IL18RAP: variants seen among roughly 807,000 people sequenced by gnomAD.
The protein encoded by IL18RAP is interleukin 18 receptor accessory protein, also known as interleukin-18 receptor accessory protein.
Under a neutral mutation model 58.1 loss-of-function variants are expected in IL18RAP, and 37 were observed. The observed-to-expected ratio is 0.64, with a 90% CI of 0.49 to 0.84. IL18RAP has a LOEUF of 0.84. Among genes scored for constraint, IL18RAP ranks in the 40% least tolerant of loss-of-function variants. The pLI is 0.00. For synonymous variants in IL18RAP, 268 were observed against 257.5 expected (o/e 1.04, Z -0.39); for missense variants, 667 against 704.8 (o/e 0.95, Z 0.61).
chr2:102,427,073 C>T (rs1484218593), intron 3 of IL18RAP, among the ~76,000 whole-genome samples: 1 of 152,114 alleles, frequency 6.6e-6, no homozygotes, highest in Non-Finnish European at 1.5e-5. Context: ...TGTTCTCCCA[C>T]ATGATTGAAT....
At chr2:102,451,740 C>T (rs753536653) in intron 9 of IL18RAP, 26 bp from the exon 10 acceptor site, 1 of 1,577,340 alleles carries the variant, frequency 6.3e-7, no homozygotes, top group Non-Finnish European at 8.6e-7. Flanking sequence ...ATATCCATTG[C>T]AAATAATCAA....
At chr2:102,429,337 G>A (rs1235940892) in intron 3 of IL18RAP, among the ~76,000 whole-genome samples, 2 of 151,724 alleles carry the variant, frequency 1.3e-5, no homozygotes, top group African/African-American at 2.4e-5. Context: ...GTTTCTTTTA[G>A]GTTATTCATT....
At chr2:102,447,021 T>G (rs1490836196) in intron 7 of IL18RAP, 49 bp from the exon 8 acceptor site, 2 of 1,595,750 alleles carry the variant, frequency 1.3e-6, no homozygotes, top group Non-Finnish European at 1.7e-6. Context: ...ATGGTCTTGG[T>G]CCAATCCCGC....
At chr2:102,445,909 T>C (rs1683386103) in intron 7 of IL18RAP, among the ~76,000 whole-genome samples, 1 of 152,204 alleles carries the variant, frequency 6.6e-6, no homozygotes, top group Admixed American at 6.5e-5. Flanking sequence ...ATTGATATCA[T>C]TCATTCCTTT....
intron 3 of IL18RAP, 24 bp from the exon 4 acceptor site, chr2:102,437,188 T>G (rs1390598609): frequency 1.3e-6 from 2 of 1,581,804 alleles, no homozygotes; most frequent in Non-Finnish European, 1.7e-6. Context: ...CAAATTTATC[T>G]GCTTAAAATA....
chr2:102,443,348 G>T (rs747037035), intron 6 of IL18RAP, 25 bp downstream of exon 6: 2 of 1,607,806 alleles, frequency 1.2e-6, no homozygotes, highest in African/African-American at 2.7e-5. Flanking sequence ...CACGGATTCT[G>T]TTCTCTGCAA....
chr2:102,420,539 G>A (rs533026346), upstream of IL18RAP, among the ~76,000 whole-genome samples: 8 of 152,262 alleles, frequency 5.3e-5, no homozygotes, highest in South Asian at 2.1e-4. Flanking sequence ...CAAGGTTGGC[G>A]GACATTCCTG....
At position 102,423,830 on chromosome 2, in the gene IL18RAP, C is replaced by T; in HGVS notation, c.90C>T (p.Leu30=). The change falls in exon 2 of 10, where the codon CTC becomes CTT. Residue 30 remains leucine, a synonymous_variant. Coordinates refer to ENST00000687160, the MANE Select transcript of IL18RAP (RefSeq NM_001393487.1). ...TTTCAGGTTGTTCCACAAAAAAACT[C>T]CTTTGGACATATTCTACAAGGAGTG... is the stretch of plus-strand genomic sequence containing the variant. ...FNISGCSTKK[L]LWTYSTRSEE... 1 of 1,613,416 alleles carries T rather than the reference C, an allele frequency of 6.2e-7. No homozygotes were observed. Among genetic ancestry groups the T allele is most frequent in the Non-Finnish European group, 8.5e-7 (1 of 1,179,582 alleles).
chr2:102,450,581 G>C (rs915487022), intron 8 of IL18RAP, among the ~76,000 whole-genome samples: 2 of 152,178 alleles, frequency 1.3e-5, no homozygotes, highest in African/African-American at 4.8e-5. Context: ...CTGAGTTCAT[G>C]TGACTTAATC....
At chr2:102,435,507 A>C (rs971657988) in intron 3 of IL18RAP, among the ~76,000 whole-genome samples, 3 of 152,190 alleles carry the variant, frequency 2.0e-5, no homozygotes, top group Non-Finnish European at 1.5e-5. Flanking sequence ...GGACACAATG[A>C]GTCTATGATA....
Position 102,446,856 on chromosome 2 carries a change from A to T in IL18RAP, c.1073-214A>T, listed in dbSNP as rs144997876. Among the ~76,000 whole-genome samples the T allele has an allele frequency of 4.7e-4, 71 of 152,170 alleles. No individual in the cohort carries two copies. The East Asian group carries it at 0.013, about 27-fold the overall frequency. Reference sequence around the variant, plus strand: ...TCCAACTCCATCCAGGTTGCTGCACATGCCATTATTTTGTTCCTTTTTATG... The same window carrying T: ...TCCAACTCCATCCAGGTTGCTGCACTTGCCATTATTTTGTTCCTTTTTATG... On this transcript the variant is annotated intron_variant, in intron 7 of 9. Transcript: ENST00000687160.
At chr2:102,442,431 T>C (rs1275886576) in intron 5 of IL18RAP, among the ~76,000 whole-genome samples, 1 of 152,046 alleles carries the variant, frequency 6.6e-6, no homozygotes, top group Non-Finnish European at 1.5e-5. Context: ...ACTCTAGAAA[T>C]AGCACTAACT....
chr2:102,422,939 A>C (rs571585087), upstream of IL18RAP, among the ~76,000 whole-genome samples: 51 of 152,162 alleles, frequency 3.4e-4, no homozygotes, highest in Non-Finnish European at 6.8e-4. Context: ...AAGATTAATG[A>C]GGGGAAAAAT....
chr2:102,432,294 T>C (rs1198122078), intron 3 of IL18RAP: 2 of 153,774 alleles, frequency 1.3e-5, no homozygotes, highest in African/African-American at 4.8e-5. Flanking sequence ...GCTCTGTGAT[T>C]GCCTCTGATC....
rs756409176 is a variant in IL18RAP at position 102,451,959 on chromosome 2, C to T, written c.1578C>T (p.Leu526=). 7.4e-6 allele frequency: 12 copies of T among 1,614,104 alleles called. No homozygotes were observed. The Admixed American group carries it at 1.3e-4, about 18-fold the overall frequency. ...AAGAGCCAGAGTCTCTACCTCATCT[C>T]GTGAAAAAAGCTCTCAGGGTTTTGC... is the stretch of plus-strand genomic sequence containing the variant. ...YFQEPESLPH[L]VKKALRVLPT... The change falls in exon 10 of 10, where the codon CTC becomes CTT. Residue 526 remains leucine, a synonymous_variant. Transcript: ENST00000687160.
At chr2:102,418,859 A>G (rs1417374661), upstream of IL18RAP, 1 of 152,368 alleles carries the variant, frequency 6.6e-6, no homozygotes, top group Non-Finnish European at 1.5e-5. Context: ...ATTTTCGTTC[A>G]GATACAAAAG....
At chr2:102,435,618 G>A (rs561011665) in intron 3 of IL18RAP, among the ~76,000 whole-genome samples, 1 of 152,260 alleles carries the variant, frequency 6.6e-6, no homozygotes, top group East Asian at 1.9e-4. Flanking sequence ...TCCCAGACTG[G>A]GTAGTGGAAG....
At chr2:102,432,092 C>A (rs1682401395) in intron 3 of IL18RAP, among the ~76,000 whole-genome samples, 1 of 152,078 alleles carries the variant, frequency 6.6e-6, no homozygotes, top group Non-Finnish European at 1.5e-5. Context: ...CAGACCTTCA[C>A]TATGTAGTCT....
intron 3 of IL18RAP, among the ~76,000 whole-genome samples, chr2:102,432,546 A>G (rs1682448239): frequency 1.3e-5 from 2 of 152,252 alleles, no homozygotes; most frequent in Admixed American, 6.5e-5. Context: ...CTGCTCAGCA[A>G]TTTGGGATGG....
Sources: allele counts gnomAD v4.1 joint callset (sites outside exome capture counted in the v4.1 genomes callset), GRCh38; gene constraint gnomAD v4.1.1; transcripts MANE v1.5; gene names NCBI Gene and HGNC (gene_info 2026-07-23, HGNC 2026-07-21).